PRKN: variants seen among roughly 807,000 people sequenced by gnomAD.
PRKN encodes the protein parkin RBR E3 ubiquitin protein ligase.
A neutral mutation model predicts 59.5 loss-of-function variants in PRKN; 56 were observed. The ratio of observed to expected loss-of-function variants is 0.94; its 90% CI spans 0.76 to 1.18. The LOEUF (loss-of-function observed/expected upper bound fraction) is 1.18. Among genes scored for constraint, PRKN ranks in the 50% most tolerant of loss-of-function variants. The pLI is 0.00. For synonymous variants in PRKN, 250 were observed against 222.1 expected (o/e 1.13, Z -1.12); for missense variants, 657 against 596.4 (o/e 1.10, Z -1.06).
intron 4 of PRKN, among the ~76,000 whole-genome samples, chr6:162,144,765 T>C (rs1781947614): frequency 6.6e-6 from 1 of 152,174 alleles, no homozygotes; most frequent in African/African-American, 2.4e-5. Flanking sequence ...CTTGCTTGGG[T>C]TGCTAACCCT....
intron 4 of PRKN, among the ~76,000 whole-genome samples, chr6:162,069,074 G>A (rs1158106687): frequency 2.6e-5 from 4 of 152,060 alleles, no homozygotes; most frequent in Admixed American, 6.6e-5. Context: ...TTATAGCTTG[G>A]GAGATGATAT....
intron 1 of PRKN, among the ~76,000 whole-genome samples, chr6:162,660,730 A>C (rs1240954745): frequency 2.0e-5 from 3 of 152,112 alleles, no homozygotes; most frequent in Admixed American, 2.0e-4. Flanking sequence ...AAGTAAAGAG[A>C]TGGGATGAGT....
Position 162,554,636 on chromosome 6 carries a change from G to A in PRKN, c.8-111163C>T, listed in dbSNP as rs77550103. On this transcript the variant is annotated intron_variant, in intron 1 of 11. Coordinates refer to ENST00000366898, the MANE Select transcript of PRKN (RefSeq NM_004562.3). ...ACAGATGACAGTGGCAACACGGGGTGGGGGGAGCACAGCGCAGCGCAATGG... is the reference window on the plus strand; with the variant it reads ...ACAGATGACAGTGGCAACACGGGGTAGGGGGAGCACAGCGCAGCGCAATGG... Among the ~76,000 whole-genome samples, 1,290 of 152,190 alleles carry A rather than the reference G, an allele frequency of 8.5e-3. 17 individuals carry two copies. The highest frequency in any genetic ancestry group is 0.029 in the African/African-American group (1,212 of 41,526).
chr6:161,759,669 C>T (rs1789108377), intron 7 of PRKN, among the ~76,000 whole-genome samples: 2 of 152,198 alleles, frequency 1.3e-5, no homozygotes, highest in Admixed American at 6.5e-5. Flanking sequence ...TATTCACTGA[C>T]TCACATACAT....
chr6:161,963,227 C>G (rs147929096), intron 6 of PRKN, among the ~76,000 whole-genome samples: 1 of 152,196 alleles, frequency 6.6e-6, no homozygotes, highest in African/African-American at 2.4e-5. Context: ...CAGACAGTTA[C>G]AACACGCAAG....
chr6:161,419,383 T>C lies in PRKN; in HGVS notation c.1084-32506A>G, dbSNP rs888138150. The stretch of plus-strand genomic sequence containing the variant: ...AACACAGAGGGCCTTTCCTTTTTTC[T>C]TTTTTCTTCTTCTTTTTTTTTTTAA... On this transcript the variant is annotated intron_variant, in intron 9 of 11. Transcript: ENST00000366898. This position sits in a 1 kb window ranked among gnomAD's most constrained non-coding sequence, Gnocchi z 4.1. Among the ~76,000 whole-genome samples, 1 of 112,814 alleles carries C rather than the reference T, an allele frequency of 8.9e-6. No homozygotes were observed. The highest frequency in any genetic ancestry group is 3.0e-4 in the South Asian group (1 of 3,346). 74.0% of individuals were successfully genotyped at this position (112,814 alleles called of 152,430 possible). A position where few individuals can be genotyped will look rare whatever the true frequency, so the allele number is the denominator to read the frequency against.
intron 4 of PRKN, among the ~76,000 whole-genome samples, chr6:162,156,048 CCT>C (rs1782500290): frequency 1.4e-5 from 2 of 144,224 alleles, no homozygotes; most frequent in Non-Finnish European, 3.0e-5. Flanking sequence ...TAAATATATG[CCT>C]TCACCCACAT....
chr6:161,985,498 C>CT (rs1197805248), intron 5 of PRKN, among the ~76,000 whole-genome samples: 1 of 152,168 alleles, frequency 6.6e-6, no homozygotes, highest in Non-Finnish European at 1.5e-5. Flanking sequence ...TTACGAGAAA[C>CT]TGAGGAGACA....
chr6:162,170,023 A>C (rs1783196127), intron 4 of PRKN, among the ~76,000 whole-genome samples: 1 of 152,212 alleles, frequency 6.6e-6, no homozygotes. Context: ...ACCTCATTAC[A>C]AAGTGAAATT....
chr6:161,967,211 A>G (rs1351636484), intron 6 of PRKN, among the ~76,000 whole-genome samples: 2 of 152,180 alleles, frequency 1.3e-5, no homozygotes, highest in East Asian at 1.9e-4. Context: ...TAAACCTAAA[A>G]TCTGGCCATG....
chr6:162,557,075 G>T (rs1583797616), intron 1 of PRKN, among the ~76,000 whole-genome samples: 1 of 152,296 alleles, frequency 6.6e-6, no homozygotes, highest in East Asian at 1.9e-4. Flanking sequence ...CCATACTCAG[G>T]AAACCCCGAT....
chr6:162,580,534 G>A (rs1260807788), intron 1 of PRKN, among the ~76,000 whole-genome samples: 1 of 151,138 alleles, frequency 6.6e-6, no homozygotes, highest in African/African-American at 2.4e-5. Context: ...GGGTGACAGG[G>A]ACCTGTATTA....
intron 1 of PRKN, among the ~76,000 whole-genome samples, chr6:162,501,360 T>TG (rs912481984): frequency 7.4e-4 from 112 of 151,532 alleles, no homozygotes; most frequent in African/African-American, 2.6e-3. Flanking sequence ...TCCTTTTTTT[T>TG]TTTTTGAGAC....
chr6:162,592,915 G>A (rs1484180747), intron 1 of PRKN, among the ~76,000 whole-genome samples: 2 of 151,702 alleles, frequency 1.3e-5, no homozygotes, highest in African/African-American at 4.8e-5. Context: ...TACTTCCAAA[G>A]TCAGCTAACA....
chr6:161,863,155 T>C (rs1470227583), intron 6 of PRKN, among the ~76,000 whole-genome samples: 2 of 152,272 alleles, frequency 1.3e-5, no homozygotes, highest in East Asian at 3.9e-4. Flanking sequence ...GGGATATTCT[T>C]CTCTATAATG....
intron 1 of PRKN, among the ~76,000 whole-genome samples, chr6:162,679,113 A>ATTTATTTATTT (rs376603751): frequency 6.0e-3 from 273 of 45,666 alleles, no homozygotes; most frequent in East Asian, 0.033. Context: ...TTTATTTATG[A>ATTTATTTATTT]ATGAATGAGA....
intron 6 of PRKN, among the ~76,000 whole-genome samples, chr6:161,929,056 G>A (rs1209808114): frequency 6.6e-6 from 1 of 152,138 alleles, no homozygotes; most frequent in Non-Finnish European, 1.5e-5. Context: ...TACCCAGAAG[G>A]TGGAGGTACT....
intron 5 of PRKN, among the ~76,000 whole-genome samples, chr6:162,004,349 C>T (rs963254345): frequency 1.3e-5 from 2 of 152,134 alleles, no homozygotes; most frequent in Non-Finnish European, 2.9e-5. Context: ...AGGCCTTCCC[C>T]AAAGCAGAAG....
At chr6:162,297,424 T>C (rs986278947) in intron 2 of PRKN, among the ~76,000 whole-genome samples, 1 of 151,968 alleles carries the variant, frequency 6.6e-6, no homozygotes, top group Non-Finnish European at 1.5e-5. Context: ...TTCTTTCACA[T>C]CTGGCACAAA....
Sources: gnomAD v4.1 joint callset for allele counts (sites outside exome capture counted in the v4.1 genomes callset) on GRCh38, gnomAD v4.1.1 for gene constraint, Gnocchi (gnomAD v3.1) non-coding constraint, MANE v1.5 for transcripts, NCBI Gene and HGNC (gene_info 2026-07-23, HGNC 2026-07-21) for gene names.